SEC31B: variants seen among roughly 807,000 people sequenced by gnomAD.
The protein encoded by SEC31B is protein transport protein Sec31B.
Under a neutral mutation model 135.0 loss-of-function variants are expected in SEC31B, and 113 were observed. The ratio of observed to expected loss-of-function variants is 0.84; its 90% confidence interval spans 0.72 to 0.98. The LOEUF (loss-of-function observed/expected upper bound fraction) is 0.98, where lower values mean the gene tolerates loss of function less well. Ranked by LOEUF, SEC31B falls within the 50% of genes least tolerant of loss-of-function variation. The pLI is 0.00. For synonymous variants in SEC31B, 508 were observed against 549.4 expected (o/e 0.92, Z 1.05); for missense variants, 1,296 against 1,421.1 (o/e 0.91, Z 1.42).
rs201890769 is a variant in SEC31B at position 100,506,143 on chromosome 10, C to T, written c.941G>A (p.Arg314Gln). Residue 314 changes from arginine to glutamine, a missense_variant, in exon 9 of 26, where the codon CGG becomes CAG. Coordinates refer to ENST00000370345, the MANE Select transcript of SEC31B (RefSeq NM_015490.4). Reference protein sequence around the residue: ...SWCFDVQWCPRDPSVFSAASF... With the variant: ...SWCFDVQWCPQDPSVFSAASF... The stretch of plus-strand genomic sequence containing the variant: ...GGCAGCAGAGAACACTGAAGGGTCC[C>T]GAGGGCACCACTGCACATCAAAGCA... 1.7e-5 allele frequency: 27 copies of T among 1,614,194 alleles called. No homozygotes were observed. The highest frequency in any genetic ancestry group is 3.3e-5 in the Admixed American group (2 of 60,024).
At position 100,497,272 on chromosome 10, in the gene SEC31B, C is replaced by T. The variant is rs1851429507; in HGVS notation, c.1999G>A (p.Gly667Arg). ...EKFPELCDML[G>R]TRMEQEGSRA... ...CTGCCCTCCTGTTCCATGCGAGTTC[C>T]CAGCATGTCTGCAGAGAGAGGGTAA... Residue 667 changes from glycine to arginine, a missense_variant, in exon 17 of 26, where the codon GGA (glycine) becomes AGA (arginine). Gly to Arg is a moderately radical substitution (Grantham distance 125). Transcript: ENST00000370345. 1.9e-6 allele frequency: 3 copies of T among 1,613,924 alleles called. No individual in the cohort carries two copies. Among genetic ancestry groups the T allele is most frequent in the African/African-American group, 2.7e-5 (2 of 75,042 alleles).
In SEC31B at chr10:100,516,873, C is replaced by T. The variant is rs753319784; in HGVS notation, c.79+1G>A. The T allele has an allele frequency of 3.7e-6, 6 of 1,612,396 alleles. No individual in the cohort carries two copies. Among genetic ancestry groups the T allele is most frequent in the Non-Finnish European group, 3.4e-6 (4 of 1,178,584 alleles). ...GATCCTAATTCACAGTGTCACCATA[C>T]CTGTGGCCAGATACAAAGGGTATTG... is the stretch of plus-strand genomic sequence containing the variant. On this transcript the variant is annotated splice_donor_variant, in intron 2 of 25. Transcript: ENST00000370345. LOFTEE classifies it high-confidence loss of function.
In SEC31B at chr10:100,509,354, T is replaced by C. The variant is rs145714340; in HGVS notation, c.361A>G (p.Thr121Ala). Residue 121 changes from threonine (T) to alanine (A), a missense_variant, in exon 4 of 26, where the codon ACG becomes GCG. By Grantham distance (58) the Thr-to-Ala change is moderately conservative (BLOSUM62 0). Coordinates refer to ENST00000370345, the MANE Select transcript of SEC31B (RefSeq NM_015490.4). The part of the protein sequence containing the change: ...EPVIAQKQKH[T>A]GAVRALDLNP... ...AAGTCGAGGGCTCTGACAGCCCCCG[T>C]GTGCTTCTGTTTCTGAGCAATCACA... 3 of 1,613,908 alleles carry C rather than the reference T, an allele frequency of 1.9e-6. No homozygotes were observed. Among genetic ancestry groups the C allele is most frequent in the South Asian group, 1.1e-5 (1 of 91,074 alleles).
intron 7 of SEC31B, 188 bp from the exon 8 acceptor site, chr10:100,506,608 G>T: frequency 1.6e-6 from 1 of 607,150 alleles, no homozygotes; most frequent in South Asian, 2.0e-5. Context: ...TCCAACAGTT[G>T]CAGAGTCAGA....
Position 100,490,710 on chromosome 10 carries a change from C to T in SEC31B, c.2646G>A (p.Arg882=). ...IQPLPLSPGV[R]PASSQPQLLG... The stretch of plus-strand genomic sequence containing the variant: ...GATCTTCAGTGACTCACTCACCAGG[C>T]CTTACCCCAGGGCTCAAAGGCAAAG... Residue 882 remains arginine (R), a synonymous_variant, in exon 20 of 26, where the codon AGG becomes AGA. Coordinates refer to ENST00000370345, the MANE Select transcript of SEC31B (RefSeq NM_015490.4). 1 of 1,584,452 alleles carries T rather than the reference C, an allele frequency of 6.3e-7. No homozygotes were observed. Among genetic ancestry groups the T allele is most frequent in the Non-Finnish European group, 8.6e-7 (1 of 1,162,662 alleles).
At chr10:100,501,317 T>C (rs573182107) in intron 11 of SEC31B, among the ~76,000 whole-genome samples, 305 of 152,252 alleles carry the variant, frequency 2.0e-3, no homozygotes, top group Middle Eastern at 3.4e-3. Context: ...TACCACTGTC[T>C]CCTTTGTTTA....
intron 12 of SEC31B, 123 bp downstream of exon 12, chr10:100,499,401 G>A: frequency 1.8e-6 from 2 of 1,088,752 alleles, no homozygotes; most frequent in Non-Finnish European, 2.7e-6. Context: ...CAAACTCCAG[G>A]ATGTAAAATG....
At chr10:100,490,472 CT>C in intron 20 of SEC31B, 150 bp from the exon 21 acceptor site, 1 of 978,646 alleles carries the variant, frequency 1.0e-6, no homozygotes. Context: ...ATACTTTTAA[CT>C]ATATTCCTTA....
Position 100,508,046 on chromosome 10 carries a change from A to G in SEC31B, c.501T>C (p.Pro167=). Residue 167 remains proline, a synonymous_variant, in exon 6 of 26, where the codon CCT becomes CCC. Transcript: ENST00000370345. ...PMTLGSKSQQ[P]PEDIKALSWN... ...AAGACAGTGCCTTGATGTCCTCTGG[A>G]GGCTGCTAAGGCAGGATGGGGACAG... is the stretch of plus-strand genomic sequence containing the variant. 6.2e-7 allele frequency: 1 copy of G among 1,614,220 alleles called. No individual in the cohort carries two copies. Among genetic ancestry groups the G allele is most frequent in the Non-Finnish European group, 8.5e-7 (1 of 1,180,034 alleles).
At chr10:100,508,444 A>G in intron 5 of SEC31B, 1 of 473,932 alleles carries the variant, frequency 2.1e-6, no homozygotes, top group South Asian at 1.5e-5. Context: ...ATGCTATCAA[A>G]TTGAAACTTA....
intron 16 of SEC31B, 133 bp downstream of exon 16, chr10:100,497,534 C>T (rs1851435098): frequency 6.5e-7 from 1 of 1,545,994 alleles, no homozygotes; most frequent in Admixed American, 1.9e-5. Context: ...CCTGGCTGAG[C>T]CAGATTCTAG....
At chr10:100,497,589 C>G in intron 16 of SEC31B, 78 bp downstream of exon 16, 1 of 1,605,518 alleles carries the variant, frequency 6.2e-7, no homozygotes, top group Non-Finnish European at 8.5e-7. Flanking sequence ...TCTGCTCCTC[C>G]ACCTCCCTCC....
intron 2 of SEC31B, among the ~76,000 whole-genome samples, 168 bp downstream of exon 2, chr10:100,516,706 A>G (rs1251627013): frequency 6.7e-6 from 1 of 149,284 alleles, no homozygotes; most frequent in Non-Finnish European, 1.5e-5. Flanking sequence ...AGTCCTAGGC[A>G]GCCCTCAGGT....
chr10:100,509,673 C>T (rs553640569), intron 3 of SEC31B, among the ~76,000 whole-genome samples, 162 bp from the exon 4 acceptor site: 14 of 152,284 alleles, frequency 9.2e-5, no homozygotes, highest in African/African-American at 3.1e-4. Context: ...TATCCTCCGC[C>T]CAGTCCTGCC....
intron 20 of SEC31B, 31 bp from the exon 21 acceptor site, chr10:100,490,353 A>C: frequency 6.3e-7 from 1 of 1,588,842 alleles, no homozygotes. Flanking sequence ...GTCATTTGTC[A>C]CTAAACTTCA....
At chr10:100,518,227 T>A (rs1048056005) in intron 1 of SEC31B, among the ~76,000 whole-genome samples, 1 of 152,256 alleles carries the variant, frequency 6.6e-6, no homozygotes, top group African/African-American at 2.4e-5. Context: ...AATACTTTTC[T>A]CATTCATTGT....
rs1564651232 is a variant in SEC31B at position 100,502,104 on chromosome 10, G to C, written c.1410+150C>G. 7.7e-6 allele frequency: 5 copies of C among 652,844 alleles called. No homozygotes were observed. In the East Asian group the frequency reaches 1.3e-4, roughly 17 times the overall value. 40.4% of individuals were successfully genotyped at this position (652,844 alleles called of 1,614,324 possible). Reference sequence around the variant, plus strand: ...AAGGGTGAACGTTTTGTGTCTAGATGGTGGGTATAGTGTGGGGGAAAAACT... The same window carrying C: ...AAGGGTGAACGTTTTGTGTCTAGATCGTGGGTATAGTGTGGGGGAAAAACT... On this transcript the variant is annotated intron_variant, in intron 11 of 25. Transcript: ENST00000370345.
rs755515639 is a variant in SEC31B, at chr10:100,498,112, T to A, written c.1780A>T (p.Ile594Phe). ...LKEERFADAI[I>F]LAQAGGTDLL... ...TCTGTACCCCCAGCCTGGGCCAGGA[T>A]AATGGCATCAGCAAAGCGCTCCTCC... The change falls in exon 15 of 26, where the codon ATC becomes TTC. Residue 594 changes from isoleucine (I) to phenylalanine (F), a missense_variant. Ile to Phe is a conservative substitution (Grantham distance 21, BLOSUM62 0). Transcript: ENST00000370345. 1.2e-6 allele frequency: 2 copies of A among 1,614,168 alleles called. No individual in the cohort carries two copies. The highest frequency in any genetic ancestry group is 2.2e-5 in the South Asian group (2 of 91,078).
chr10:100,497,583 C>T (rs1323843796), intron 16 of SEC31B, 84 bp downstream of exon 16: 1 of 1,602,344 alleles, frequency 6.2e-7, no homozygotes, highest in Non-Finnish European at 8.5e-7. Flanking sequence ...GCTCAGTCTG[C>T]TCCTCCACCT....
Sources: allele counts gnomAD v4.1 joint callset (sites outside exome capture counted in the v4.1 genomes callset), GRCh38; gene constraint gnomAD v4.1.1; transcripts MANE v1.5; gene names NCBI Gene and HGNC (gene_info 2026-07-23, HGNC 2026-07-21).